GSG1L: variants seen among roughly 807,000 people sequenced by gnomAD.
The protein encoded by GSG1L is GSG1 like.
A neutral mutation model predicts 42.1 loss-of-function variants in GSG1L; 24 were observed. The ratio of observed to expected loss-of-function variants is 0.57; its 90% CI spans 0.41 to 0.80. The LOEUF is 0.80. GSG1L is among the 30% of genes least tolerant of loss of function. The probability of loss-of-function intolerance (pLI) is 0.00; values close to 1 mark genes in which losing one functional copy is unlikely to be tolerated. For synonymous variants in GSG1L, 215 were observed against 203.5 expected (o/e 1.06, Z -0.48); for missense variants, 445 against 472.2 (o/e 0.94, Z 0.53).
intron 2 of GSG1L, among the ~76,000 whole-genome samples, chr16:27,947,384 A>AAGAAAGAAAGAAAG (rs373703555): frequency 7.7e-4 from 101 of 130,752 alleles, no homozygotes; most frequent in African/African-American, 2.8e-3. Flanking sequence ...GAAAGAAAGA[A>AAGAAAGAAAGAAAG]AAAGAAAGAA....
intron 3 of GSG1L, among the ~76,000 whole-genome samples, chr16:27,872,682 C>A (rs2083837152): frequency 6.6e-6 from 1 of 152,166 alleles, no homozygotes; most frequent in Admixed American, 6.5e-5. Context: ...AAGATGGTGA[C>A]AAAAGTGCCC....
chr16:27,832,081 G>A (rs17639238), intron 4 of GSG1L, among the ~76,000 whole-genome samples: 1,578 of 152,064 alleles, frequency 0.01, 6 homozygotes, highest in Middle Eastern at 0.02. Flanking sequence ...CCCCTGTTTA[G>A]TTTCATCTCA....
At chr16:27,850,322 G>T (rs1158607589) in intron 3 of GSG1L, among the ~76,000 whole-genome samples, 2 of 151,842 alleles carry the variant, frequency 1.3e-5, no homozygotes, top group Non-Finnish European at 2.9e-5. Flanking sequence ...CCACCGTGCC[G>T]GCCTTGAAAT....
At chr16:27,942,147 C>CTTTT (rs34617355) in intron 2 of GSG1L, among the ~76,000 whole-genome samples, 150 of 115,940 alleles carry the variant, frequency 1.3e-3, no homozygotes, top group African/African-American at 1.7e-3. Context: ...AAAACTTCTT[C>CTTTT]TTTTTTTTTT....
chr16:27,909,635 CTTTTTTTTTT>C (rs10709968), intron 2 of GSG1L, among the ~76,000 whole-genome samples: 1 of 88,274 alleles, frequency 1.1e-5, no homozygotes, highest in Admixed American at 1.3e-4. Flanking sequence ...CTGCACCCAG[CTTTTTTTTTT>C]TTTTTTTTTT....
chr16:27,990,431 A>T (rs1294728680), intron 1 of GSG1L, among the ~76,000 whole-genome samples: 1 of 152,196 alleles, frequency 6.6e-6, no homozygotes, highest in Non-Finnish European at 1.5e-5. Context: ...GGAAATACTT[A>T]TTATGCCAAG....
At position 27,975,777 on chromosome 16, in the gene GSG1L, A is replaced by G. The variant is rs528793238; in HGVS notation, c.350-12574T>C. Among the ~76,000 whole-genome samples, 12 of 152,338 alleles carry G rather than the reference A, an allele frequency of 7.9e-5. No individual in the cohort carries two copies. The East Asian group carries it at 2.3e-3, about 29-fold the overall frequency. On this transcript the variant is annotated intron_variant, in intron 1 of 6. Coordinates refer to ENST00000447459, the MANE Select transcript of GSG1L (RefSeq NM_001109763.2). ...CTTAAGTTCCCAATGTCAACGTTTT[A>G]TATTCACACAGTTGTATCCCATCAA...
chr16:27,842,100 G>A (rs1201662064), intron 4 of GSG1L, among the ~76,000 whole-genome samples: 2 of 118,008 alleles, frequency 1.7e-5, no homozygotes, highest in Non-Finnish European at 4.0e-5. Context: ...TCAGTAGCAC[G>A]ATGTCGCGCG....
At chr16:27,851,088 A>C (rs1403029552) in intron 3 of GSG1L, among the ~76,000 whole-genome samples, 5 of 152,218 alleles carry the variant, frequency 3.3e-5, no homozygotes, top group African/African-American at 1.2e-4. Context: ...GACGGCCAGA[A>C]GGTGCGAGGA....
chr16:27,815,431 G>C (rs1264772888), intron 5 of GSG1L, among the ~76,000 whole-genome samples: 2 of 152,168 alleles, frequency 1.3e-5, no homozygotes, highest in Non-Finnish European at 2.9e-5. Flanking sequence ...TTCTTGTAGA[G>C]CCTGCAGAAA....
chr16:27,975,086 G>A (rs1472330018), intron 1 of GSG1L, among the ~76,000 whole-genome samples: 1 of 152,122 alleles, frequency 6.6e-6, no homozygotes, highest in East Asian at 1.9e-4. Context: ...CGGGACTTGA[G>A]AATCGGTCTT....
At chr16:27,836,833 C>CT (rs1555503125) in intron 4 of GSG1L, among the ~76,000 whole-genome samples, 1 of 152,136 alleles carries the variant, frequency 6.6e-6, no homozygotes, top group Non-Finnish European at 1.5e-5. Flanking sequence ...TATTGATTGT[C>CT]TTTTTTTGTT....
intron 1 of GSG1L, among the ~76,000 whole-genome samples, chr16:27,991,526 T>G (rs1166409297): frequency 6.6e-6 from 1 of 151,978 alleles, no homozygotes; most frequent in East Asian, 1.9e-4. Flanking sequence ...TGCCTCAGCC[T>G]CCCGAGTAGC....
At position 27,981,405 on chromosome 16, in the gene GSG1L, C is replaced by A. The variant is rs113196560; in HGVS notation, c.350-18202G>T. Among the ~76,000 whole-genome samples, 199 of 152,244 alleles carry A rather than the reference C, an allele frequency of 1.3e-3. 3 individuals carry two copies. Among genetic ancestry groups the A allele is most frequent in the South Asian group, 0.011 (51 of 4,822 alleles). On this transcript the variant is annotated intron_variant, in intron 1 of 6. Transcript: ENST00000447459. ...GCAAGAGTTCATACACCTTTGCTGG[C>A]CAGATTCAAGGAATTCAGCTGGGGG... is the stretch of plus-strand genomic sequence containing the variant.
chr16:27,972,867 C>T (rs990047153), intron 1 of GSG1L, among the ~76,000 whole-genome samples: 2 of 152,150 alleles, frequency 1.3e-5, no homozygotes, highest in African/African-American at 4.8e-5. Context: ...AATATCCTTC[C>T]AACATTAGAA....
At chr16:27,963,046 C>A in intron 2 of GSG1L, 110 bp downstream of exon 2, 2 of 915,206 alleles carry the variant, frequency 2.2e-6, no homozygotes, top group South Asian at 2.8e-5. Context: ...GCCCTGTTGC[C>A]CAGGGATGCT....
rs1040267019 is a variant in GSG1L at position 27,861,259 on chromosome 16, C to T, written c.551-16198G>A. Among the ~76,000 whole-genome samples the T allele has an allele frequency of 1.7e-4, 26 of 152,124 alleles. 1 individual carries two copies. Among genetic ancestry groups the T allele is most frequent in the South Asian group, 8.3e-4 (4 of 4,810 alleles). On this transcript the variant is annotated intron_variant, in intron 3 of 6. Coordinates refer to ENST00000447459, the MANE Select transcript of GSG1L (RefSeq NM_001109763.2). ...AGGCGTGGTGGTGTGCACCTGTAAT[C>T]GCAGCTACTCAGGAGGCTAAGGCAC...
intron 5 of GSG1L, among the ~76,000 whole-genome samples, chr16:27,818,353 T>C (rs1645336): frequency 0.34 from 51,570 of 151,978 alleles, 10,116 homozygotes; most frequent in African/African-American, 0.51. Context: ...AGGACCATCT[T>C]GTGTTTTCAC....
At chr16:27,931,731 G>A (rs961185367) in intron 2 of GSG1L, among the ~76,000 whole-genome samples, 4 of 152,292 alleles carry the variant, frequency 2.6e-5, no homozygotes, top group African/African-American at 4.8e-5. Context: ...GTCCTTAGGA[G>A]GACAGGCCTG....
Sources: allele counts gnomAD v4.1 joint callset (sites outside exome capture counted in the v4.1 genomes callset), GRCh38; gene constraint gnomAD v4.1.1; transcripts MANE v1.5; gene names NCBI Gene and HGNC (gene_info 2026-07-23, HGNC 2026-07-21).